The following KDM5B variants were observed in gnomAD, a reference collection of about 807,000 sequenced individuals.
KDM5B encodes lysine-specific demethylase 5B.
A neutral mutation model predicts 193.4 loss-of-function variants in KDM5B; 144 were observed. The observed-to-expected ratio is 0.74, with a 90% CI of 0.65 to 0.86. KDM5B has a LOEUF of 0.86. Among genes scored for constraint, KDM5B ranks in the 40% least tolerant of loss-of-function variants. The probability of loss-of-function intolerance (pLI) is 0.00; values close to 1 mark genes in which losing one functional copy is unlikely to be tolerated. For synonymous variants in KDM5B, 668 were observed against 682.6 expected, an observed-to-expected ratio of 0.98 and a Z score of 0.33; for missense variants, 1,833 against 1,886.9, an observed-to-expected ratio of 0.97 and a Z score of 0.53.
At chr1:202,771,939 TA>T (rs879665588) in intron 4 of KDM5B, among the ~76,000 whole-genome samples, 332 of 149,936 alleles carry the variant, frequency 2.2e-3, no homozygotes, top group Middle Eastern at 0.014. Flanking sequence ...TATAATGTAT[TA>T]AAAAAAAAAG....
intron 1 of KDM5B, among the ~76,000 whole-genome samples, chr1:202,807,521 G>A (rs1658350595): frequency 6.6e-6 from 1 of 151,958 alleles, no homozygotes; most frequent in Admixed American, 6.5e-5. Context: ...GGGGTGCCCT[G>A]GTCTGGAGGG....
chr1:202,725,294 A>C lies in KDM5B; in HGVS notation c.*3742T>G, dbSNP rs1289351231. ...CATAAATTTGAAGGGAGAAGTGAAA[A>C]TATACACTTTACAAATTGATTCTTT... On this transcript the variant is annotated 3_prime_UTR_variant, in exon 27 of 27. Transcript: ENST00000367265. 1 of 152,250 alleles carries C rather than the reference A, an allele frequency of 6.6e-6. No individual in the cohort carries two copies. Among genetic ancestry groups the C allele is most frequent in the Admixed American group, 6.5e-5 (1 of 15,290 alleles). 9.4% of individuals were successfully genotyped at this position (152,250 alleles called of 1,614,324 possible).
intron 23 of KDM5B, 182 bp from the exon 24 acceptor site, chr1:202,732,121 T>A: frequency 1.8e-6 from 1 of 551,196 alleles, no homozygotes; most frequent in South Asian, 2.2e-5. Context: ...TCAACTCATA[T>A]CTTCCCAAAG....
At chr1:202,768,736 A>C (rs912469790) in intron 4 of KDM5B, among the ~76,000 whole-genome samples, 2 of 85,668 alleles carry the variant, frequency 2.3e-5, no homozygotes, top group African/African-American at 7.1e-5. Flanking sequence ...TTTTTTTTTG[A>C]GATGGAGTTT....
At chr1:202,774,306 G>A (rs1656846499) in intron 3 of KDM5B, among the ~76,000 whole-genome samples, 1 of 152,094 alleles carries the variant, frequency 6.6e-6, no homozygotes, top group South Asian at 2.1e-4. Context: ...GTGCAGTGGT[G>A]CAATCACAGC....
At chr1:202,773,347 G>T (rs1656799597) in intron 3 of KDM5B, 59 bp from the exon 4 acceptor site, 2 of 1,439,706 alleles carry the variant, frequency 1.4e-6, no homozygotes, top group African/African-American at 1.4e-5. Flanking sequence ...TCACATCTAA[G>T]TATGACTCCA....
intron 2 of KDM5B, among the ~76,000 whole-genome samples, chr1:202,776,498 G>A (rs1656960700): frequency 6.6e-6 from 1 of 152,040 alleles, no homozygotes. Flanking sequence ...GCAACATAGG[G>A]AGACCTCAAC....
chr1:202,786,166 A>ATTT (rs548678700), intron 1 of KDM5B, among the ~76,000 whole-genome samples: 9 of 107,120 alleles, frequency 8.4e-5, no homozygotes, highest in South Asian at 3.5e-4. Flanking sequence ...TGACCAGCTA[A>ATTT]TTTTTTTTTT....
intron 9 of KDM5B, 37 bp from the exon 10 acceptor site, chr1:202,756,553 A>AAGTT (rs1656019823): frequency 3.3e-6 from 5 of 1,524,806 alleles, no homozygotes; most frequent in African/African-American, 1.4e-5. Context: ...GAGTTTCCTC[A>AAGTT]CAAACTGTCT....
rs141875939 is a variant in KDM5B, at chr1:202,735,477, C to T, written c.3375G>A (p.Leu1125=). The part of the protein sequence containing the change: ...GKKKSTKLES[L]SDLERALTES... ...CAGTTAAAGCTCTCTCCAGGTCACT[C>T]AGACTCTCTAATTTGGTGCTTTTTT... The change falls in exon 22 of 27, where the codon CTG becomes CTA. Residue 1125 remains leucine, a synonymous_variant. Coordinates refer to ENST00000367265, the MANE Select transcript of KDM5B (RefSeq NM_006618.5). 6.2e-6 allele frequency: 10 copies of T among 1,614,010 alleles called. No individual in the cohort carries two copies. The highest frequency in any genetic ancestry group is 1.3e-5 in the African/African-American group (1 of 74,926).
intron 11 of KDM5B, 114 bp from the exon 12 acceptor site, chr1:202,753,181 C>T: frequency 1.2e-6 from 1 of 845,186 alleles, no homozygotes; most frequent in Non-Finnish European, 1.8e-6. Context: ...AAGGAATCCA[C>T]AAACTGACGA....
chr1:202,729,130 T>C lies in KDM5B; in HGVS notation c.4541A>G (p.His1514Arg). ...QCDGSCNQWF[H>R]QVCVGVSPEM... Reference sequence around the variant, plus strand: ...TGGGGAGACACCAACACAGACCTGATGAAACCACTGATTGCAGCTGCCATC... The same window carrying C: ...TGGGGAGACACCAACACAGACCTGACGAAACCACTGATTGCAGCTGCCATC... Residue 1514 changes from histidine to arginine, a missense_variant, in exon 27 of 27, where the codon CAT becomes CGT. Around this residue, in one of 3 missense-constraint regions of KDM5B, gnomAD observed 1,379 missense variants for 1,349.6 expected, o/e 1.02. Coordinates refer to ENST00000367265, the MANE Select transcript of KDM5B (RefSeq NM_006618.5). 1 of 1,614,134 alleles carries C rather than the reference T, an allele frequency of 6.2e-7. No individual in the cohort carries two copies. The highest frequency in any genetic ancestry group is 8.5e-7 in the Non-Finnish European group (1 of 1,179,988).
rs375963855 is a variant in KDM5B at position 202,764,104 on chromosome 1, G to C, written c.753C>G (p.Ala251=). Residue 251 remains alanine, a synonymous_variant, in exon 6 of 27, where the codon GCC becomes GCG. Coordinates refer to ENST00000367265, the MANE Select transcript of KDM5B (RefSeq NM_006618.5). ...TTCGACGTCTCAGATTATGAGTTCTGGCTTCCGTTGTCTCCTCGGGTTCTA... is the reference window on the plus strand; with the variant it reads ...TTCGACGTCTCAGATTATGAGTTCTCGCTTCCGTTGTCTCCTCGGGTTCTA... The part of the protein sequence containing the change: ...IKIEPEETTE[A]RTHNLRRRMG... 1.6e-5 allele frequency: 26 copies of C among 1,586,548 alleles called. No individual in the cohort carries two copies. Among genetic ancestry groups the C allele is most frequent in the Admixed American group, 3.7e-5 (2 of 54,204 alleles).
At position 202,784,937 on chromosome 1, in the gene KDM5B, G is replaced by A. The variant is rs143225149; in HGVS notation, c.205-7843C>T. 2.0e-3 allele frequency among the ~76,000 whole-genome samples: 299 copies of A among 151,660 alleles called. 2 individuals are homozygous for A. The highest frequency in any genetic ancestry group is 7.0e-3 in the African/African-American group (290 of 41,342). On this transcript the variant is annotated intron_variant, in intron 1 of 26. Coordinates refer to ENST00000367265, the MANE Select transcript of KDM5B (RefSeq NM_006618.5). ...TCATCCTAGCTACTCAGGAGGTTGA[G>A]GCATGATAATTGCTTGAACCTGGGA... is the stretch of plus-strand genomic sequence containing the variant.
chr1:202,802,328 T>G (rs1337654796), intron 1 of KDM5B, among the ~76,000 whole-genome samples: 1 of 152,208 alleles, frequency 6.6e-6, no homozygotes, highest in Non-Finnish European at 1.5e-5. Context: ...CATTACAGCA[T>G]TTAAACAGGG....
At chr1:202,791,661 G>A (rs775373465) in intron 1 of KDM5B, among the ~76,000 whole-genome samples, 1 of 151,946 alleles carries the variant, frequency 6.6e-6, no homozygotes, top group African/African-American at 2.4e-5. Flanking sequence ...TCTATTCCTT[G>A]CATACGTCAT....
intron 6 of KDM5B, among the ~76,000 whole-genome samples, chr1:202,763,846 C>T (rs1010629463): frequency 1.1e-4 from 16 of 152,224 alleles, no homozygotes; most frequent in African/African-American, 3.9e-4. Flanking sequence ...CTCTCTCCCA[C>T]TAGTCAGTTA....
chr1:202,742,850 T>C (rs777665263), intron 16 of KDM5B, 45 bp from the exon 17 acceptor site: 2 of 1,530,900 alleles, frequency 1.3e-6, no homozygotes, highest in South Asian at 2.3e-5. Flanking sequence ...TCATTATGTT[T>C]ATTACTACTG....
intron 9 of KDM5B, among the ~76,000 whole-genome samples, chr1:202,758,160 T>TTAGGGTTAGGGTTAGG (rs1343192938): frequency 6.6e-6 from 1 of 152,242 alleles, no homozygotes; most frequent in Non-Finnish European, 1.5e-5. Context: ...TTACTGGTGC[T>TTAGGGTTAGGGTTAGG]GTATAATCTG....
Sources: gnomAD v4.1 joint callset for allele counts (sites outside exome capture counted in the v4.1 genomes callset) on GRCh38, gnomAD v4.1.1 for gene constraint, gnomAD v4.1.1 regional missense constraint, MANE v1.5 for transcripts, NCBI Gene and HGNC (gene_info 2026-07-23, HGNC 2026-07-21) for gene names.